Variants in DCUN1D4 observed in about 807,000 individuals in gnomAD.
DCUN1D4 encodes the protein DCN1-like protein 4.
Under a neutral mutation model 47.9 loss-of-function variants are expected in DCUN1D4, and 22 were observed. The observed-to-expected ratio is 0.46, with a 90% confidence interval of 0.33 to 0.66. DCUN1D4 has a LOEUF of 0.66. Among genes scored for constraint, DCUN1D4 ranks in the 30% least tolerant of loss-of-function variants. DCUN1D4 has a pLI of 0.02. For synonymous variants in DCUN1D4, 121 were observed against 112.2 expected (o/e 1.08, Z -0.50); for missense variants, 301 against 340.8 (o/e 0.88, Z 0.92).
chr4:51,868,349 A>C (rs1301045001), intron 3 of DCUN1D4, among the ~76,000 whole-genome samples: 3 of 152,214 alleles, frequency 2.0e-5, no homozygotes, highest in African/African-American at 7.2e-5. Context: ...CCTCCACTGC[A>C]GCCCACCTCA....
intron 7 of DCUN1D4, among the ~76,000 whole-genome samples, chr4:51,895,027 C>T (rs897269697): frequency 2.0e-5 from 3 of 152,010 alleles, no homozygotes; most frequent in African/African-American, 4.8e-5. Context: ...GGCAAACAAG[C>T]GCCCTTGGGT....
upstream of DCUN1D4, among the ~76,000 whole-genome samples, chr4:51,841,942 G>C (rs1464358099): frequency 7.0e-6 from 1 of 143,724 alleles, no homozygotes; most frequent in East Asian, 2.1e-4. Flanking sequence ...TGTTGTTGTT[G>C]GAGTTGGTGG....
At chr4:51,850,604 C>T (rs1386123839) in intron 1 of DCUN1D4, among the ~76,000 whole-genome samples, 2 of 152,140 alleles carry the variant, frequency 1.3e-5, no homozygotes, top group African/African-American at 2.4e-5. Context: ...CTACTATGTA[C>T]CAGGCCCTGC....
intron 1 of DCUN1D4, among the ~76,000 whole-genome samples, chr4:51,853,094 GGTGTCCTGAA>G (rs1386792963): frequency 6.6e-6 from 1 of 152,156 alleles, no homozygotes; most frequent in African/African-American, 2.4e-5. Context: ...CAGCCAGACG[GGTGTCCTGAA>G]GTGACTGAGT....
intron 6 of DCUN1D4, among the ~76,000 whole-genome samples, chr4:51,891,007 C>A (rs1382393239): frequency 1.3e-5 from 2 of 152,190 alleles, no homozygotes; most frequent in African/African-American, 2.4e-5. Flanking sequence ...TGACACCATG[C>A]CACAGACCCT....
intron 5 of DCUN1D4, among the ~76,000 whole-genome samples, chr4:51,881,227 G>T (rs1206840495): frequency 1.3e-5 from 2 of 152,100 alleles, no homozygotes; most frequent in African/African-American, 4.8e-5. Context: ...AAATACACAG[G>T]TGCCAACATT....
chr4:51,882,497 G>A (rs1728816598), intron 5 of DCUN1D4, among the ~76,000 whole-genome samples: 1 of 152,312 alleles, frequency 6.6e-6, no homozygotes, highest in South Asian at 2.1e-4. Flanking sequence ...GCCGGGCACA[G>A]TGGCTCATGC....
rs1245986653 is a variant in DCUN1D4 at position 51,913,287 on chromosome 4, C to T, written c.721-3C>T. 9 of 1,587,314 alleles carry T rather than the reference C, an allele frequency of 5.7e-6. No individual in the cohort carries two copies. Among genetic ancestry groups the T allele is most frequent in the Non-Finnish European group, 6.9e-6 (8 of 1,159,838 alleles). On this transcript the variant is annotated splice_polypyrimidine_tract_variant and splice_region_variant and intron_variant, in intron 9 of 10. Coordinates refer to ENST00000334635, the MANE Select transcript of DCUN1D4 (RefSeq NM_001040402.3). Reference sequence around the variant, plus strand: ...TAATTCATATTACTTTTCCCTCCATCAGCAATCAAAATACAAAGTTATTAA... The same window carrying T: ...TAATTCATATTACTTTTCCCTCCATTAGCAATCAAAATACAAAGTTATTAA...
chr4:51,856,017 C>T (rs544158041), intron 1 of DCUN1D4, among the ~76,000 whole-genome samples: 2 of 152,146 alleles, frequency 1.3e-5, no homozygotes, highest in Non-Finnish European at 2.9e-5. Flanking sequence ...CTTGAAACAC[C>T]CTTAAGCATT....
At chr4:51,877,656 A>G (rs370247581) in intron 4 of DCUN1D4, 107 bp from the exon 5 acceptor site, 20 of 707,062 alleles carry the variant, frequency 2.8e-5, no homozygotes, top group East Asian at 5.1e-5. Flanking sequence ...TATACTTAAA[A>G]TACTGATTGA....
In DCUN1D4 at chr4:51,858,770, A is replaced by T. The variant is rs142331561; in HGVS notation, c.26-4667A>T. Among the ~76,000 whole-genome samples the T allele has an allele frequency of 8.0e-3, 1,212 of 152,350 alleles. 11 individuals are homozygous for T. Among genetic ancestry groups the T allele is most frequent in the Middle Eastern group, 0.024 (7 of 294 alleles). ...TTGGCAAACAATGGCCCATGGGGCA[A>T]ATCCAGCCCTACCACCTGGTTTTTA... is the stretch of plus-strand genomic sequence containing the variant. On this transcript the variant is annotated intron_variant, in intron 1 of 10. Coordinates refer to ENST00000334635, the MANE Select transcript of DCUN1D4 (RefSeq NM_001040402.3).
At chr4:51,890,269 C>T (rs1730211591) in intron 6 of DCUN1D4, among the ~76,000 whole-genome samples, 1 of 152,154 alleles carries the variant, frequency 6.6e-6, no homozygotes, top group Admixed American at 6.5e-5. Flanking sequence ...CCTCATGTTT[C>T]ATGTTTTTAT....
chr4:51,913,661 CA>C lies in DCUN1D4; in HGVS notation c.*80del. 7.6e-7 allele frequency: 1 copy of C among 1,316,292 alleles called. No homozygotes were observed. Among genetic ancestry groups the C allele is most frequent in the Non-Finnish European group, 1.1e-6 (1 of 916,190 alleles). The allele number at this position is 1,316,292 out of a possible 1,614,324, so 81.5% of individuals were successfully genotyped here. ...ATTAGCCATAAATTGCTGTTTGTAT[CA>C]AAGCGCATGCTGCTTCTCTTGCACT... On this transcript the variant is annotated 3_prime_UTR_variant, in exon 11 of 11. Transcript: ENST00000334635.
At chr4:51,834,932 C>G in the DCUN1D4 span, among the ~76,000 whole-genome samples, 1 of 152,230 alleles carries the variant, frequency 6.6e-6, no homozygotes, top group Non-Finnish European at 1.5e-5. Flanking sequence ...ATCCTCTAAT[C>G]TGCTTATCAA....
chr4:51,839,186 AGAAGGAAGGAAG>A (rs35432661), upstream of DCUN1D4, among the ~76,000 whole-genome samples: 4 of 141,650 alleles, frequency 2.8e-5, no homozygotes, highest in East Asian at 6.4e-4. Context: ...GGAAGAAAGG[AGAAGGAAGGAAG>A]GAAGGAAGGA....
chr4:51,849,153 A>G (rs1722985748), intron 1 of DCUN1D4, among the ~76,000 whole-genome samples: 1 of 152,166 alleles, frequency 6.6e-6, no homozygotes, highest in South Asian at 2.1e-4. Context: ...TGATTGGAGA[A>G]TTCTTACCCT....
intron 3 of DCUN1D4, among the ~76,000 whole-genome samples, chr4:51,866,055 GCA>G (rs746555745): frequency 2.6e-5 from 4 of 152,162 alleles, no homozygotes; most frequent in Non-Finnish European, 4.4e-5. Flanking sequence ...CTTAGATCAG[GCA>G]CTCCTTCTTC....
At chr4:51,856,847 C>A (rs1724219841) in intron 1 of DCUN1D4, among the ~76,000 whole-genome samples, 1 of 152,054 alleles carries the variant, frequency 6.6e-6, no homozygotes, top group Non-Finnish European at 1.5e-5. Context: ...GTTAAAAATA[C>A]CACTGGAAAC....
At chr4:51,853,801 G>A (rs1577851566) in intron 1 of DCUN1D4, among the ~76,000 whole-genome samples, 1 of 152,190 alleles carries the variant, frequency 6.6e-6, no homozygotes, top group South Asian at 2.1e-4. Context: ...ATTTTGGGCT[G>A]TGGAGATGGG....
Sources: gnomAD v4.1 joint callset for allele counts (sites outside exome capture counted in the v4.1 genomes callset) on GRCh38, gnomAD v4.1.1 for gene constraint, MANE v1.5 for transcripts, NCBI Gene and HGNC (gene_info 2026-07-23, HGNC 2026-07-21) for gene names.